The following MYO3A variants were observed in gnomAD, a reference collection of about 807,000 sequenced individuals.
MYO3A encodes myosin IIIA, also known as myosin-IIIa.
In MYO3A, 180 loss-of-function variants were observed where a neutral mutation model predicts 192.7. The observed-to-expected ratio is 0.93, with a 90% CI of 0.83 to 1.06. MYO3A has a LOEUF of 1.06. MYO3A is among the 50% of genes least tolerant of loss of function. The pLI, the probability that MYO3A is intolerant of heterozygous loss-of-function variation, is 0.00. For synonymous variants in MYO3A, 628 were observed against 645.3 expected (o/e 0.97, Z 0.41); for missense variants, 1,896 against 1,905.0 (o/e 1.00, Z 0.09).
chr10:26,081,133 T>TCCCCCCCCTTCCCCCCCCCCCC (rs1835906244), intron 14 of MYO3A, among the ~76,000 whole-genome samples: 1 of 84,940 alleles, frequency 1.2e-5, no homozygotes, highest in African/African-American at 4.2e-5. Context: ...TATATGCCCT[T>TCCCCCCCCTTCCCCCCCCCCCC]CCCCCCCCCC....
At chr10:26,203,128 G>A in intron 34 of MYO3A, 21 bp downstream of exon 34, 2 of 1,611,078 alleles carry the variant, frequency 1.2e-6, no homozygotes, top group Non-Finnish European at 1.7e-6. Flanking sequence ...AAACTTTAAA[G>A]TACATCATTT....
chr10:26,157,651 T>A, intron 26 of MYO3A, 136 bp downstream of exon 26: 1 of 955,216 alleles, frequency 1.0e-6, no homozygotes, highest in Non-Finnish European at 1.6e-6. Context: ...TGATTATGTG[T>A]TGAAAAAAGA....
chr10:25,996,939 T>A (rs1399660545), intron 5 of MYO3A, among the ~76,000 whole-genome samples: 1 of 152,170 alleles, frequency 6.6e-6, no homozygotes, highest in Non-Finnish European at 1.5e-5. Context: ...AATACGATAT[T>A]TGCTAAGAAT....
At chr10:26,123,847 A>G (rs1358285362) in intron 18 of MYO3A, among the ~76,000 whole-genome samples, 6 of 152,050 alleles carry the variant, frequency 3.9e-5, no homozygotes, top group Non-Finnish European at 8.8e-5. Context: ...AATGGCGTGA[A>G]CCCAGGAGGC....
chr10:26,152,992 TAGA>T (rs1391899480), intron 23 of MYO3A, among the ~76,000 whole-genome samples: 3 of 152,176 alleles, frequency 2.0e-5, no homozygotes, highest in Non-Finnish European at 4.4e-5. Flanking sequence ...ACTTATCACC[TAGA>T]AGAAGGAGAG....
At chr10:26,026,779 G>A (rs1278446570) in intron 10 of MYO3A, among the ~76,000 whole-genome samples, 2 of 152,098 alleles carry the variant, frequency 1.3e-5, no homozygotes, top group Non-Finnish European at 2.9e-5. Context: ...TCGGCTCACT[G>A]CAACCTCCAC....
intron 6 of MYO3A, among the ~76,000 whole-genome samples, chr10:26,008,710 T>C (rs1209675688): frequency 6.6e-6 from 1 of 151,606 alleles, no homozygotes; most frequent in Non-Finnish European, 1.5e-5. Context: ...ATGGCAATTG[T>C]TAAAAAGTCA....
rs114466430 is a variant in MYO3A, at chr10:26,045,450, A to G, written c.953+18918A>G. Among the ~76,000 whole-genome samples the G allele has an allele frequency of 8.7e-3, 1,320 of 152,360 alleles. 16 individuals carry two copies. The highest frequency in any genetic ancestry group is 0.029 in the African/African-American group (1,199 of 41,576). ...TATGTATGTATGAAAACATGCACAC[A>G]TAACACAGTTCCTGGTCCATAACTT... On this transcript the variant is annotated intron_variant, in intron 10 of 34. Transcript: ENST00000642920.
At chr10:26,026,932 C>T (rs1048694872) in intron 10 of MYO3A, among the ~76,000 whole-genome samples, 2 of 152,160 alleles carry the variant, frequency 1.3e-5, no homozygotes, top group East Asian at 1.9e-4. Context: ...GATCTCCTGA[C>T]CTTGTGATCC....
At chr10:26,004,937 A>G (rs949955833) in intron 6 of MYO3A, among the ~76,000 whole-genome samples, 1 of 152,224 alleles carries the variant, frequency 6.6e-6, no homozygotes, top group Non-Finnish European at 1.5e-5. Context: ...TTTAAAATTC[A>G]TCATTTGGTA....
At chr10:26,200,248 A>G (rs1462668630) in intron 32 of MYO3A, among the ~76,000 whole-genome samples, 1 of 152,218 alleles carries the variant, frequency 6.6e-6, no homozygotes, top group Non-Finnish European at 1.5e-5. Flanking sequence ...ATTTTAGAGC[A>G]CAACAAATGA....
At chr10:26,126,437 A>G (rs1309490679) in intron 19 of MYO3A, among the ~76,000 whole-genome samples, 1 of 152,170 alleles carries the variant, frequency 6.6e-6, no homozygotes, top group South Asian at 2.1e-4. Flanking sequence ...ATACCACACC[A>G]TTATACTATG....
At position 26,088,342 on chromosome 10, in the gene MYO3A, C is replaced by T. The variant is rs138526349; in HGVS notation, c.1499C>T (p.Ala500Val). Residue 500 changes from alanine (A) to valine (V), a missense_variant, in exon 15 of 35, where the codon GCG becomes GTG. By Grantham distance (64) the Ala-to-Val change is moderately conservative. Transcript: ENST00000642920. ...YLEMKFTSSGAVVGAQISEYL... is the reference protein window; with the variant it reads ...YLEMKFTSSGVVVGAQISEYL... ...GAAATGAAATTCACCTCTTCTGGAGCGGTAGTGGGAGCACAGATTTCTGAA... is the reference window on the plus strand; with the variant it reads ...GAAATGAAATTCACCTCTTCTGGAGTGGTAGTGGGAGCACAGATTTCTGAA... The T allele has an allele frequency of 6.0e-5, 97 of 1,613,828 alleles. No homozygotes were observed. The African/African-American group carries it at 7.3e-4, about 12-fold the overall frequency.
At chr10:26,089,552 G>A (rs2131517024) in intron 15 of MYO3A, among the ~76,000 whole-genome samples, 1 of 151,086 alleles carries the variant, frequency 6.6e-6, no homozygotes, top group South Asian at 2.1e-4. Flanking sequence ...AGTGAACCGA[G>A]ATCATGCCAC....
chr10:26,084,438 A>T (rs1321625741), intron 14 of MYO3A, among the ~76,000 whole-genome samples: 1 of 152,188 alleles, frequency 6.6e-6, no homozygotes, highest in Non-Finnish European at 1.5e-5. Context: ...TTAGGTAGTA[A>T]CGTAATGCTG....
rs995610731 is a variant in MYO3A, at chr10:26,179,053, C to G, written c.4438+2208C>G. 2.0e-5 allele frequency among the ~76,000 whole-genome samples: 3 copies of G among 148,724 alleles called. 1 individual carries two copies. In the South Asian group the frequency reaches 6.4e-4, roughly 32 times the overall value. ...GACCCTGTGATCCGCCCGCCTTGGCCTCCCAAAGTGCTGGGATTACACCGT... is the reference window on the plus strand; with the variant it reads ...GACCCTGTGATCCGCCCGCCTTGGCGTCCCAAAGTGCTGGGATTACACCGT... On this transcript the variant is annotated intron_variant, in intron 31 of 34. Coordinates refer to ENST00000642920, the MANE Select transcript of MYO3A (RefSeq NM_017433.5).
At chr10:26,137,632 A>C (rs1464722497) in intron 20 of MYO3A, among the ~76,000 whole-genome samples, 2 of 152,218 alleles carry the variant, frequency 1.3e-5, no homozygotes, top group Non-Finnish European at 2.9e-5. Flanking sequence ...GGGCAAAAAG[A>C]GCCATATTTT....
In MYO3A at chr10:26,065,414, T is replaced by A. The variant is rs1363306329; in HGVS notation, c.954-1561T>A. Among the ~76,000 whole-genome samples the A allele has an allele frequency of 3.3e-5, 5 of 151,636 alleles. No homozygotes were observed. The East Asian group carries it at 9.7e-4, about 29-fold the overall frequency. On this transcript the variant is annotated intron_variant, in intron 10 of 34. Transcript: ENST00000642920. ...GCCTGGCCCACATGGTGAAACCCTG[T>A]CACTATTAAAAATGCAAAAAAATTA...
intron 23 of MYO3A, among the ~76,000 whole-genome samples, chr10:26,148,635 C>G (rs1840612099): frequency 6.6e-6 from 1 of 152,168 alleles, no homozygotes; most frequent in South Asian, 2.1e-4. Context: ...CACAGTATAG[C>G]TCTCCATTTA....
Sources: gnomAD v4.1 joint callset for allele counts (sites outside exome capture counted in the v4.1 genomes callset) on GRCh38, gnomAD v4.1.1 for gene constraint, MANE v1.5 for transcripts, NCBI Gene and HGNC (gene_info 2026-07-23, HGNC 2026-07-21) for gene names.